The following CCL28 variants were observed in gnomAD, a reference collection of about 807,000 sequenced individuals.
CCL28 encodes the protein C-C motif chemokine ligand 28.
A neutral mutation model predicts 7.1 loss-of-function variants in CCL28; 4 were observed. That is an observed-to-expected ratio of 0.56 (90% CI 0.28 to 1.29). The LOEUF (loss-of-function observed/expected upper bound fraction) is 1.29, where lower values mean the gene tolerates loss of function less well. Ranked by LOEUF, CCL28 falls within the 50% of genes most tolerant of loss-of-function variation. The pLI, the probability that CCL28 is intolerant of heterozygous loss-of-function variation, is 0.11. For synonymous variants in CCL28, 55 were observed against 57.8 expected, an observed-to-expected ratio of 0.95 and a Z score of 0.22; for missense variants, 151 against 163.4, an observed-to-expected ratio of 0.92 and a Z score of 0.41.
chr5:43,371,945 T>C (rs1163390602), downstream of CCL28, among the ~76,000 whole-genome samples: 1 of 152,236 alleles, frequency 6.6e-6, no homozygotes, highest in Non-Finnish European at 1.5e-5. Flanking sequence ...GATTTCAGGC[T>C]GCTTCCACTA....
At chr5:43,401,854 T>G (rs1270812958) in intron 1 of CCL28, among the ~76,000 whole-genome samples, 1 of 152,200 alleles carries the variant, frequency 6.6e-6, no homozygotes, top group Non-Finnish European at 1.5e-5. Flanking sequence ...CTTGGCTAGC[T>G]GGAACGTTGT....
chr5:43,393,863 G>A (rs1365877872), intron 1 of CCL28, among the ~76,000 whole-genome samples: 2 of 152,212 alleles, frequency 1.3e-5, no homozygotes, highest in Admixed American at 6.5e-5. Flanking sequence ...CTCACAAGAC[G>A]TGTAGAAACT....
chr5:43,358,483 G>A, the CCL28 span, among the ~76,000 whole-genome samples: 3 of 152,210 alleles, frequency 2.0e-5, no homozygotes, highest in Non-Finnish European at 4.4e-5. Context: ...CTCTCTTCTC[G>A]TTTGTTGGAA....
the CCL28 span, among the ~76,000 whole-genome samples, chr5:43,367,527 C>T: frequency 6.6e-6 from 1 of 152,192 alleles, no homozygotes; most frequent in Non-Finnish European, 1.5e-5. Flanking sequence ...GAGGGGATGC[C>T]CCACCCTGCT....
At chr5:43,402,906 C>T (rs773537658) in intron 1 of CCL28, among the ~76,000 whole-genome samples, 1 of 152,248 alleles carries the variant, frequency 6.6e-6, no homozygotes, top group Non-Finnish European at 1.5e-5. Flanking sequence ...CAGAGCCTCG[C>T]TCACTGCTAG....
intron 1 of CCL28, among the ~76,000 whole-genome samples, chr5:43,396,826 T>C (rs1740827259): frequency 6.6e-6 from 1 of 152,212 alleles, no homozygotes; most frequent in South Asian, 2.1e-4. Flanking sequence ...GCTGTCGCGC[T>C]ACTGGTATCT....
intron 2 of CCL28, among the ~76,000 whole-genome samples, chr5:43,385,781 T>G (rs777870491): frequency 2.0e-5 from 3 of 152,354 alleles, no homozygotes; most frequent in Non-Finnish European, 4.4e-5. Flanking sequence ...TCCAACTGAT[T>G]GGCTTCCTAG....
intron 1 of CCL28, among the ~76,000 whole-genome samples, chr5:43,400,112 C>G (rs1740972446): frequency 6.6e-6 from 1 of 152,092 alleles, no homozygotes; most frequent in Admixed American, 6.5e-5. Context: ...TCCCAAAGTG[C>G]TAGGATTATA....
intron 1 of CCL28, among the ~76,000 whole-genome samples, chr5:43,401,931 AG>A (rs1212030677): frequency 6.6e-6 from 1 of 152,204 alleles, no homozygotes; most frequent in Non-Finnish European, 1.5e-5. Context: ...TCCTGGCTCC[AG>A]GGTTCTCTCA....
At chr5:43,401,371 A>ACAT (rs1199263907) in intron 1 of CCL28, among the ~76,000 whole-genome samples, 2 of 152,278 alleles carry the variant, frequency 1.3e-5, no homozygotes, top group Non-Finnish European at 2.9e-5. Flanking sequence ...TTAACATGAT[A>ACAT]CAGACACTAG....
In CCL28 at chr5:43,381,952, C is replaced by G; in HGVS notation, c.292G>C (p.Val98Leu). 1 of 1,614,166 alleles carries G rather than the reference C, an allele frequency of 6.2e-7. No individual in the cohort carries two copies. Among genetic ancestry groups the G allele is most frequent in the Non-Finnish European group, 8.5e-7 (1 of 1,180,006 alleles). ...CCATGGTGTTTCTTCCTGTGGCAAA[C>G]ATTTCCTTTACCATTTTTCTTGGCA... ...QAAKKNGKGNVCHRKKHHGKR... is the reference protein window; with the variant it reads ...QAAKKNGKGNLCHRKKHHGKR... The change falls in exon 3 of 3, where the codon GTT (valine) becomes CTT (leucine). Residue 98 changes from valine (V) to leucine (L), a missense_variant. Physicochemically the swap from Val to Leu is conservative, Grantham distance 32. Coordinates refer to ENST00000361115, the MANE Select transcript of CCL28 (RefSeq NM_148672.3).
intron 1 of CCL28, among the ~76,000 whole-genome samples, chr5:43,394,449 CTCTA>C (rs1269060038): frequency 3.9e-5 from 6 of 152,182 alleles, no homozygotes; most frequent in Admixed American, 2.0e-4. Context: ...GGAATTATCT[CTCTA>C]TCTATTCAGA....
chr5:43,369,057 A>AGG, the CCL28 span, among the ~76,000 whole-genome samples: 4 of 130,080 alleles, frequency 3.1e-5, no homozygotes, highest in African/African-American at 1.5e-4. Context: ...AGAGAGAGAG[A>AGG]GAGAGAGAGA....
chr5:43,370,742 C>CTT, the CCL28 span, among the ~76,000 whole-genome samples: 14 of 39,020 alleles, frequency 3.6e-4, no homozygotes, highest in African/African-American at 1.6e-3. Flanking sequence ...CTCTTTCTCT[C>CTT]TCTTTTTTTT....
chr5:43,368,125 T>C, the CCL28 span, among the ~76,000 whole-genome samples: 1 of 152,198 alleles, frequency 6.6e-6, no homozygotes, highest in East Asian at 1.9e-4. Flanking sequence ...TCTCTGAACC[T>C]TGATTCTTCC....
intron 1 of CCL28, among the ~76,000 whole-genome samples, chr5:43,393,044 T>G (rs964321079): frequency 6.6e-6 from 1 of 152,200 alleles, no homozygotes; most frequent in East Asian, 1.9e-4. Context: ...GTAATTTATT[T>G]TTTATAGATT....
chr5:43,362,438 T>C, the CCL28 span, among the ~76,000 whole-genome samples: 1 of 152,132 alleles, frequency 6.6e-6, no homozygotes, highest in Non-Finnish European at 1.5e-5. Flanking sequence ...GCAAAACTTT[T>C]CTACCTCATT....
intron 1 of CCL28, among the ~76,000 whole-genome samples, chr5:43,392,305 C>T (rs1490274659): frequency 1.5e-4 from 23 of 152,048 alleles, no homozygotes; most frequent in African/African-American, 4.8e-4. Flanking sequence ...TTAGTAGAGA[C>T]GGGGTTTCAC....
At chr5:43,370,552 T>C in the CCL28 span, among the ~76,000 whole-genome samples, 2 of 152,116 alleles carry the variant, frequency 1.3e-5, no homozygotes, top group African/African-American at 4.8e-5. Flanking sequence ...ATGTATTGTG[T>C]CCTAGATCAC....
Sources: allele counts gnomAD v4.1 joint callset (sites outside exome capture counted in the v4.1 genomes callset), GRCh38; gene constraint gnomAD v4.1.1; transcripts MANE v1.5; gene names NCBI Gene and HGNC (gene_info 2026-07-23, HGNC 2026-07-21).